The following GPC6 variants were observed in gnomAD, a reference collection of about 807,000 sequenced individuals.
The protein encoded by GPC6 is glypican-6.
GPC6 carries 14 observed loss-of-function variants against 55.2 expected under a neutral mutation model. That is an observed-to-expected ratio of 0.25 (90% CI 0.17 to 0.40). GPC6 has a LOEUF of 0.40. Ranked by LOEUF, GPC6 falls within the 10% of genes least tolerant of loss-of-function variation. The pLI is 1.00. For missense variants in GPC6, 641 were observed against 708.5 expected (o/e 0.90, Z 1.08); for synonymous variants, 278 against 259.6 (o/e 1.07, Z -0.68).
At position 93,924,216 on chromosome 13, in the gene GPC6, TC is replaced by T. The variant is rs1050009521; in HGVS notation, c.711+93673del. ...ATTTGATATACAGTATGTATGGCTC[TC>T]CTTTGTATTCTGAGAAAATGCCACT... On this transcript the variant is annotated intron_variant, in intron 3 of 8. Coordinates refer to ENST00000377047, the MANE Select transcript of GPC6 (RefSeq NM_005708.5). Among the ~76,000 whole-genome samples, 108 of 152,372 alleles carry T rather than the reference TC, an allele frequency of 7.1e-4. 1 individual carries two copies. Among genetic ancestry groups the T allele is most frequent in the African/African-American group, 2.5e-3 (104 of 41,598 alleles).
intron 1 of GPC6, among the ~76,000 whole-genome samples, chr13:93,265,183 T>C (rs1316929271): frequency 6.6e-6 from 1 of 152,204 alleles, no homozygotes; most frequent in East Asian, 1.9e-4. Flanking sequence ...GTTAGAAAGA[T>C]AGAAGCTGTA....
intron 3 of GPC6, among the ~76,000 whole-genome samples, chr13:93,903,986 G>A (rs527813499): frequency 1.3e-5 from 2 of 152,136 alleles, no homozygotes; most frequent in East Asian, 3.9e-4. Flanking sequence ...TGCACATTTT[G>A]TGTTGATTAA....
chr13:94,131,745 A>G (rs1887009209), intron 4 of GPC6, among the ~76,000 whole-genome samples: 1 of 152,176 alleles, frequency 6.6e-6, no homozygotes, highest in Admixed American at 6.6e-5. Flanking sequence ...AGTTATGAAC[A>G]TTGATGATTC....
At chr13:93,884,146 G>A (rs1028447947) in intron 3 of GPC6, among the ~76,000 whole-genome samples, 4 of 152,068 alleles carry the variant, frequency 2.6e-5, no homozygotes, top group Admixed American at 6.6e-5. Context: ...AGTAGGGATC[G>A]TTAGAAAAAT....
chr13:94,082,901 C>T (rs1885150468), intron 4 of GPC6, among the ~76,000 whole-genome samples: 1 of 152,164 alleles, frequency 6.6e-6, no homozygotes, highest in East Asian at 1.9e-4. Context: ...CCAGTCTGTC[C>T]ACCCAGAATG....
At position 94,403,991 on chromosome 13, in the gene GPC6, A is replaced by G. The variant is rs769468657; in HGVS notation, c.*774A>G. 2 of 152,316 alleles carry G rather than the reference A, an allele frequency of 1.3e-5. No homozygotes were observed. Among genetic ancestry groups the G allele is most frequent in the Non-Finnish European group, 2.9e-5 (2 of 68,162 alleles). 9.4% of individuals were successfully genotyped at this position (152,316 alleles called of 1,614,324 possible). ...CCTTAATGTCTGTCCGCTGTATCCAATTGGCACAGATTTTCCCCTTCATCT... is the reference window on the plus strand; with the variant it reads ...CCTTAATGTCTGTCCGCTGTATCCAGTTGGCACAGATTTTCCCCTTCATCT... On this transcript the variant is annotated 3_prime_UTR_variant, in exon 9 of 9. Transcript: ENST00000377047.
intron 4 of GPC6, among the ~76,000 whole-genome samples, chr13:94,105,954 T>C (rs1288237598): frequency 6.8e-6 from 1 of 146,320 alleles, no homozygotes; most frequent in Admixed American, 6.8e-5. Context: ...TATCCTACAT[T>C]GGAAAGGGTA....
rs191575356 is a variant in GPC6 at position 94,372,529 on chromosome 13, G to T, written c.1153-9885G>T. On this transcript the variant is annotated intron_variant, in intron 6 of 8. Transcript: ENST00000377047. ...ACGGGCTTAAAAAACGGCGCACCAC[G>T]AGAGTATATCCCGCACCTGGCTCGG... Among the ~76,000 whole-genome samples, 14 of 152,212 alleles carry T rather than the reference G, an allele frequency of 9.2e-5. 1 individual carries two copies.
At chr13:93,958,408 G>A (rs542574389) in intron 3 of GPC6, among the ~76,000 whole-genome samples, 20 of 152,208 alleles carry the variant, frequency 1.3e-4, no homozygotes, top group African/African-American at 4.6e-4. Flanking sequence ...TCCAGTTTTT[G>A]TACATTGCTA....
At chr13:93,298,185 A>G (rs1878558280) in intron 1 of GPC6, among the ~76,000 whole-genome samples, 1 of 152,202 alleles carries the variant, frequency 6.6e-6, no homozygotes, top group South Asian at 2.1e-4. Flanking sequence ...ATTTTCAAGT[A>G]AAATAATTTT....
intron 7 of GPC6, among the ~76,000 whole-genome samples, chr13:94,386,913 A>G (rs1230282605): frequency 2.0e-5 from 3 of 152,164 alleles, no homozygotes; most frequent in Non-Finnish European, 4.4e-5. Context: ...ATAGCTCTCT[A>G]CCGTACTTCC....
At chr13:93,687,144 C>T (rs1164028719) in intron 2 of GPC6, among the ~76,000 whole-genome samples, 2 of 152,030 alleles carry the variant, frequency 1.3e-5, no homozygotes, top group East Asian at 3.9e-4. Flanking sequence ...TGTAGAAAAT[C>T]AGTTTAATTT....
chr13:93,395,769 C>T (rs1275557329), intron 1 of GPC6: 2 of 152,828 alleles, frequency 1.3e-5, no homozygotes, highest in African/African-American at 2.4e-5. Flanking sequence ...TGTTTCAAAG[C>T]TCAGCCCTCT....
chr13:93,387,195 A>C (rs1875440497), intron 1 of GPC6, among the ~76,000 whole-genome samples: 1 of 150,850 alleles, frequency 6.6e-6, no homozygotes, highest in South Asian at 2.1e-4. Context: ...TCTGGGATAC[A>C]TATGCAGACT....
At chr13:94,031,093 C>CGTGTGT (rs1242184492) in intron 4 of GPC6, among the ~76,000 whole-genome samples, 1 of 148,598 alleles carries the variant, frequency 6.7e-6, no homozygotes, top group African/African-American at 2.5e-5. Context: ...TGTGTGTGTG[C>CGTGTGT]GTGTGTGTGT....
At chr13:93,429,509 T>C (rs1260094782) in intron 1 of GPC6, among the ~76,000 whole-genome samples, 1 of 152,162 alleles carries the variant, frequency 6.6e-6, no homozygotes, top group Non-Finnish European at 1.5e-5. Flanking sequence ...TAATTGCCTC[T>C]GTCTTTCCCT....
chr13:93,786,970 A>C (rs1053925748), intron 2 of GPC6, among the ~76,000 whole-genome samples: 5 of 152,320 alleles, frequency 3.3e-5, no homozygotes, highest in Admixed American at 6.5e-5. Context: ...GTATTATTTC[A>C]GCAAATCACT....
chr13:94,007,798 T>C (rs1436419325), intron 3 of GPC6, among the ~76,000 whole-genome samples: 1 of 152,144 alleles, frequency 6.6e-6, no homozygotes, highest in East Asian at 1.9e-4. Flanking sequence ...ATGTTGCCAA[T>C]AACTTATGTA....
At chr13:93,673,434 G>C (rs1319996736) in intron 2 of GPC6, among the ~76,000 whole-genome samples, 1 of 152,116 alleles carries the variant, frequency 6.6e-6, no homozygotes, top group African/African-American at 2.4e-5. Context: ...GATCGCTGGA[G>C]ACTGGAAGGT....
Sources: gnomAD v4.1 joint callset for allele counts (sites outside exome capture counted in the v4.1 genomes callset) on GRCh38, gnomAD v4.1.1 for gene constraint, MANE v1.5 for transcripts, NCBI Gene and HGNC (gene_info 2026-07-23, HGNC 2026-07-21) for gene names.